The following NRG1 variants were observed in gnomAD, a reference collection of about 807,000 sequenced individuals.
NRG1 encodes pro-neuregulin-1, membrane-bound isoform.
Under a neutral mutation model 63.8 loss-of-function variants are expected in NRG1, and 18 were observed. The observed-to-expected ratio is 0.28, with a 90% CI of 0.19 to 0.42. NRG1 has a LOEUF of 0.42. Ranked by LOEUF, NRG1 falls within the 10% of genes least tolerant of loss-of-function variation. The pLI is 1.00. For synonymous variants in NRG1, 302 were observed against 301.3 expected (o/e 1.00, Z -0.02); for missense variants, 762 against 814.7 (o/e 0.94, Z 0.79).
intron 1 of NRG1, among the ~76,000 whole-genome samples, chr8:32,007,400 A>G (rs1813952406): frequency 6.6e-6 from 1 of 152,038 alleles, no homozygotes; most frequent in Admixed American, 6.6e-5. Flanking sequence ...CTCTCTAAAT[A>G]TCTACTGGAG....
chr8:32,055,487 T>C (rs112934392), intron 1 of NRG1, among the ~76,000 whole-genome samples: 3,277 of 152,198 alleles, frequency 0.022, 90 homozygotes, highest in African/African-American at 0.062. Flanking sequence ...TGTAATTCCA[T>C]TGAAAATCTA....
At position 31,763,900 on chromosome 8, in the gene NRG1, A is replaced by G. The variant is rs1460533991; in HGVS notation, c.37+124469A>G. On this transcript the variant is annotated intron_variant, in intron 1 of 10. Coordinates refer to the NRG1 transcript ENST00000519301. ...GGGAGGCAGAGCTTGCAGTGAGCCA[A>G]GATCGCGCCACCACACTCCAGCCTG... 2.0e-5 allele frequency among the ~76,000 whole-genome samples: 3 copies of G among 151,802 alleles called. No homozygotes were observed. The South Asian group carries it at 6.3e-4, about 32-fold the overall frequency.
At chr8:32,015,424 G>A (rs1027690769) in intron 1 of NRG1, among the ~76,000 whole-genome samples, 2 of 152,074 alleles carry the variant, frequency 1.3e-5, no homozygotes, top group Admixed American at 1.3e-4. Flanking sequence ...GTATTACAAA[G>A]GAAATAGCAT....
At chr8:32,209,961 CCTT>C (rs1263216293) in intron 1 of NRG1, among the ~76,000 whole-genome samples, 2 of 152,064 alleles carry the variant, frequency 1.3e-5, no homozygotes, top group African/African-American at 2.4e-5. Flanking sequence ...AGGATTGAGT[CCTT>C]CTCTCAATTT....
Position 32,350,478 on chromosome 8 carries a change from A to G in NRG1, c.38-245350A>G, listed in dbSNP as rs544939978. Reference sequence around the variant, plus strand: ...TAACAAAGTCCCATTTCTGGTTTGAAAGTCAGATGGACCTTGGCTTATATT... The same window carrying G: ...TAACAAAGTCCCATTTCTGGTTTGAGAGTCAGATGGACCTTGGCTTATATT... On this transcript the variant is annotated intron_variant, in intron 1 of 10. Transcript: ENST00000519301. Among the ~76,000 whole-genome samples the G allele has an allele frequency of 3.0e-4, 46 of 152,256 alleles. 1 individual carries two copies. The highest frequency in any genetic ancestry group is 9.9e-4 in the African/African-American group (41 of 41,536).
chr8:31,784,974 A>T (rs191948165), intron 1 of NRG1, among the ~76,000 whole-genome samples: 202 of 151,914 alleles, frequency 1.3e-3, no homozygotes, highest in African/African-American at 4.5e-3. Flanking sequence ...CTTCATTTTT[A>T]CTCCCTTTGA....
At chr8:32,325,616 T>C (rs955260105) in intron 1 of NRG1, among the ~76,000 whole-genome samples, 18 of 152,154 alleles carry the variant, frequency 1.2e-4, no homozygotes, top group Non-Finnish European at 2.4e-4. Context: ...TGGGCATAAG[T>C]GATTCTCCTG....
rs532096836 is a variant in NRG1 at position 32,215,801 on chromosome 8, G to C, written c.38-380027G>C. Among the ~76,000 whole-genome samples the C allele has an allele frequency of 2.0e-5, 3 of 152,262 alleles. No individual in the cohort carries two copies. In the South Asian group the frequency reaches 6.2e-4, roughly 32 times the overall value. On this transcript the variant is annotated intron_variant, in intron 1 of 10. Coordinates refer to the NRG1 transcript ENST00000519301. ...TCACACCTGTAATCCCAGCAATTTGGGAGACCAAGGCAAGAGGATAACTTG... is the reference window on the plus strand; with the variant it reads ...TCACACCTGTAATCCCAGCAATTTGCGAGACCAAGGCAAGAGGATAACTTG...
intron 1 of NRG1, among the ~76,000 whole-genome samples, chr8:32,307,586 GGTTTGTGTGTGTGTGTGT>G (rs1158749432): frequency 1.8e-5 from 2 of 108,896 alleles, no homozygotes; most frequent in Non-Finnish European, 4.1e-5. Flanking sequence ...GTCACCCAGG[GGTTTGTGTGTGTGTGTGT>G]GTGTGTGTGT....
At chr8:32,049,298 T>A (rs1821595474) in intron 1 of NRG1, among the ~76,000 whole-genome samples, 1 of 152,122 alleles carries the variant, frequency 6.6e-6, no homozygotes, top group Non-Finnish European at 1.5e-5. Context: ...TTATGAAAAA[T>A]TTGTGACGTA....
intron 1 of NRG1, among the ~76,000 whole-genome samples, chr8:31,890,483 G>A (rs901695625): frequency 9.2e-5 from 14 of 152,170 alleles, no homozygotes; most frequent in Admixed American, 1.3e-4. Context: ...ATCCGTTTAG[G>A]AAGCTAAGTG....
chr8:32,284,186 G>T (rs562231713), intron 1 of NRG1, among the ~76,000 whole-genome samples: 1 of 152,244 alleles, frequency 6.6e-6, no homozygotes, highest in African/African-American at 2.4e-5. Flanking sequence ...TGCAAAGTCA[G>T]TTTAGAGAGA....
At chr8:31,967,116 T>G (rs757735867) in intron 1 of NRG1, among the ~76,000 whole-genome samples, 1 of 152,122 alleles carries the variant, frequency 6.6e-6, no homozygotes, top group Admixed American at 6.6e-5. Context: ...AACCAGGCTG[T>G]GGATGGCCTT....
chr8:32,628,009 G>T (rs780330529), intron 5 of NRG1, among the ~76,000 whole-genome samples: 1 of 152,118 alleles, frequency 6.6e-6, no homozygotes, highest in Admixed American at 6.5e-5. Context: ...AGAAATCTAC[G>T]TATTGAATCA....
intron 7 of NRG1, among the ~76,000 whole-genome samples, chr8:32,747,235 T>C (rs1337720279): frequency 1.3e-5 from 2 of 152,144 alleles, no homozygotes; most frequent in African/African-American, 4.8e-5. Context: ...CATGTAGGCA[T>C]GGAGTCCTGA....
intron 5 of NRG1, among the ~76,000 whole-genome samples, chr8:32,658,244 C>T (rs1801999845): frequency 6.6e-6 from 1 of 152,170 alleles, no homozygotes; most frequent in Non-Finnish European, 1.5e-5. Context: ...ATTCATTCTT[C>T]AAGATTGCTG....
At chr8:32,175,945 C>A (rs1333420860) in intron 1 of NRG1, among the ~76,000 whole-genome samples, 3 of 152,150 alleles carry the variant, frequency 2.0e-5, no homozygotes, top group African/African-American at 7.2e-5. Context: ...CCCCATCAAG[C>A]TACCAATGAC....
At chr8:32,365,146 G>A (rs1038527434) in intron 1 of NRG1, among the ~76,000 whole-genome samples, 11 of 151,796 alleles carry the variant, frequency 7.2e-5, no homozygotes, top group Admixed American at 1.3e-4. Flanking sequence ...CCTTAGCTTC[G>A]TAAAGTGCTG....
At chr8:32,458,288 A>C (rs1011941883) in intron 1 of NRG1, among the ~76,000 whole-genome samples, 3 of 152,216 alleles carry the variant, frequency 2.0e-5, no homozygotes, top group Admixed American at 1.3e-4. Context: ...ATCCATATCA[A>C]AACTTCATGT....
Sources: allele counts gnomAD v4.1 joint callset (sites outside exome capture counted in the v4.1 genomes callset), GRCh38; gene constraint gnomAD v4.1.1; transcripts MANE v1.5; gene names NCBI Gene and HGNC (gene_info 2026-07-23, HGNC 2026-07-21).